DOK7: variants seen among roughly 807,000 people sequenced by gnomAD.
DOK7 encodes protein Dok-7.
Under a neutral mutation model 30.7 loss-of-function variants are expected in DOK7, and 32 were observed. The ratio of observed to expected loss-of-function variants is 1.04; its 90% confidence interval spans 0.79 to 1.40. The LOEUF is 1.40. Among genes scored for constraint, DOK7 ranks in the 40% most tolerant of loss-of-function variants. The pLI, the probability that DOK7 is intolerant of heterozygous loss-of-function variation, is 0.00. For synonymous variants in DOK7, 447 were observed against 324.1 expected (o/e 1.38, Z -4.07); for missense variants, 1,007 against 699.2 (o/e 1.44, Z -4.97).
chr4:3,501,026 C>A, exon 8 of DOK7: 1 of 797,604 alleles, frequency 1.3e-6, no homozygotes, highest in Non-Finnish European at 1.9e-6. Flanking sequence ...CACAGGTGTC[C>A]GGGGCTGACC....
rs781007084 is a variant in DOK7, at chr4:3,493,420, C to T, written c.1434C>T (p.Gly478=). 81 of 1,599,070 alleles carry T rather than the reference C, an allele frequency of 5.1e-5. No individual in the cohort carries two copies. The highest frequency in any genetic ancestry group is 4.3e-4 in the Admixed American group (25 of 58,190). ...GPAPGEPWEA[G]GPHAGPPPAF... ...CCCCTGGCGAGCCCTGGGAAGCAGG[C>T]GGCCCCCACGCGGGGCCACCCCCGG... is the stretch of plus-strand genomic sequence containing the variant. The change falls in exon 7 of 7, where the codon GGC becomes GGT. Residue 478 remains glycine, a synonymous_variant. Transcript: ENST00000340083.
chr4:3,481,090 T>TG (rs1553847327), intron 4 of DOK7, among the ~76,000 whole-genome samples: 1 of 151,256 alleles, frequency 6.6e-6, no homozygotes, highest in African/African-American at 2.4e-5. Context: ...GGAGCCCTGT[T>TG]GGGGGGGATA....
intron 4 of DOK7, among the ~76,000 whole-genome samples, chr4:3,482,664 CA>C (rs1206839807): frequency 2.6e-5 from 4 of 152,386 alleles, no homozygotes; most frequent in African/African-American, 9.6e-5. Context: ...TGTGATATAG[CA>C]AAATGGGGCA....
At chr4:3,471,878 G>A (rs1344692544) in intron 2 of DOK7, among the ~76,000 whole-genome samples, 3 of 152,360 alleles carry the variant, frequency 2.0e-5, no homozygotes, top group South Asian at 2.1e-4. Flanking sequence ...CGTTTCAGAC[G>A]CTGCGGACAG....
intron 4 of DOK7, among the ~76,000 whole-genome samples, chr4:3,483,721 G>C (rs1237397409): frequency 6.6e-6 from 1 of 152,238 alleles, no homozygotes; most frequent in Non-Finnish European, 1.5e-5. Context: ...CAGGATTAGA[G>C]AGCCTGGCCT....
chr4:3,491,157 CTTCT>C (rs1360619664), intron 6 of DOK7, among the ~76,000 whole-genome samples: 6 of 108,860 alleles, frequency 5.5e-5, no homozygotes, highest in Non-Finnish European at 7.4e-5. Flanking sequence ...TCCTTCCTTC[CTTCT>C]TCCTCCTGCT....
chr4:3,490,788 C>T (rs548465431), intron 6 of DOK7, among the ~76,000 whole-genome samples: 2 of 78,256 alleles, frequency 2.6e-5, no homozygotes, highest in Admixed American at 1.5e-4. Context: ...CCGGCTCATT[C>T]ATTCCTTCCT....
At chr4:3,466,389 G>T (rs1336990218) in intron 2 of DOK7, among the ~76,000 whole-genome samples, 1 of 152,122 alleles carries the variant, frequency 6.6e-6, no homozygotes, top group East Asian at 1.9e-4. Context: ...GCTGCCCCAC[G>T]GCTAGTGCTG....
At chr4:3,484,972 T>C in intron 4 of DOK7, 1 of 798,568 alleles carries the variant, frequency 1.3e-6, no homozygotes, top group Non-Finnish European at 1.5e-6. Flanking sequence ...TCCCTTCTCC[T>C]GTGGCCTTGG....
chr4:3,481,168 GTGTT>G (rs922817229), intron 4 of DOK7, among the ~76,000 whole-genome samples: 10 of 152,020 alleles, frequency 6.6e-5, no homozygotes, highest in East Asian at 1.9e-4. Flanking sequence ...AATTGGACCA[GTGTT>G]TGTTTGCACC....
intron 6 of DOK7, 68 bp from the exon 7 acceptor site, chr4:3,492,689 CAG>C (rs1158870372): frequency 1.3e-5 from 21 of 1,595,834 alleles, no homozygotes; most frequent in Non-Finnish European, 1.7e-5. Flanking sequence ...GGGGGTCCAC[CAG>C]GCATCAGCCA....
chr4:3,496,848 C>T (rs557552782), downstream of DOK7: 536 of 1,535,268 alleles, frequency 3.5e-4, 1 homozygote, highest in South Asian at 2.8e-3. Context: ...CCAGGACCTG[C>T]GACAGCACAT....
chr4:3,495,977 T>C (rs1728888109), downstream of DOK7, among the ~76,000 whole-genome samples: 1 of 152,162 alleles, frequency 6.6e-6, no homozygotes, highest in East Asian at 1.9e-4. Flanking sequence ...CAGTGCTAGG[T>C]GCTGAGCCCC....
At chr4:3,497,620 G>A (rs369210082), downstream of DOK7, among the ~76,000 whole-genome samples, 6 of 152,078 alleles carry the variant, frequency 3.9e-5, no homozygotes, top group African/African-American at 1.2e-4. Context: ...CTAAACCTTG[G>A]ATTCCTCAAT....
At chr4:3,498,579 C>A (rs539893954), downstream of DOK7, among the ~76,000 whole-genome samples, 4 of 152,226 alleles carry the variant, frequency 2.6e-5, no homozygotes, top group African/African-American at 9.6e-5. Flanking sequence ...CGCCAGGCCC[C>A]GGCGCTCCCT....
chr4:3,496,806 T>C (rs1348959804), downstream of DOK7: 6 of 1,535,228 alleles, frequency 3.9e-6, no homozygotes, highest in Non-Finnish European at 4.4e-6. Flanking sequence ...TGACCCAGGT[T>C]CTCTTTGGTC....
intron 6 of DOK7, 127 bp from the exon 7 acceptor site, chr4:3,492,632 C>CT: frequency 1.5e-6 from 2 of 1,350,002 alleles, no homozygotes; most frequent in South Asian, 1.2e-5. Flanking sequence ...GGCCCCGGGG[C>CT]TTGGGGGCTG....
chr4:3,468,843 A>T (rs1436061227), intron 2 of DOK7, among the ~76,000 whole-genome samples: 10 of 125,810 alleles, frequency 7.9e-5, no homozygotes, highest in Admixed American at 3.2e-4. Context: ...GTGTGCGTGT[A>T]TGTGTGTGCG....
chr4:3,490,187 C>T (rs1328631525), intron 6 of DOK7, among the ~76,000 whole-genome samples: 4 of 58,712 alleles, frequency 6.8e-5, no homozygotes, highest in African/African-American at 1.4e-4. Context: ...CCGCCCCCCC[C>T]ACTCATTCCT....
Sources: allele counts gnomAD v4.1 joint callset (sites outside exome capture counted in the v4.1 genomes callset), GRCh38; gene constraint gnomAD v4.1.1; transcripts MANE v1.5; gene names NCBI Gene and HGNC (gene_info 2026-07-23, HGNC 2026-07-21).